Variants in NT5DC1 observed in about 807,000 individuals in gnomAD.
NT5DC1 encodes 5'-nucleotidase domain containing 1, also known as 5'-nucleotidase domain-containing protein 1.
In NT5DC1, 42 loss-of-function variants were observed where a neutral mutation model predicts 59.4. The ratio of observed to expected loss-of-function variants is 0.71; its 90% CI spans 0.55 to 0.92. The LOEUF (loss-of-function observed/expected upper bound fraction) is 0.92. NT5DC1 is among the 40% of genes least tolerant of loss of function. NT5DC1 has a pLI of 0.00. For synonymous variants in NT5DC1, 172 were observed against 188.1 expected (o/e 0.91, Z 0.70); for missense variants, 501 against 537.1 (o/e 0.93, Z 0.66).
chr6:116,182,049 G>C (rs889584382), intron 6 of NT5DC1, among the ~76,000 whole-genome samples: 1 of 151,952 alleles, frequency 6.6e-6, no homozygotes, highest in Non-Finnish European at 1.5e-5. Context: ...CGTCCCCAAA[G>C]TCCAGTGTAT....
intron 6 of NT5DC1, among the ~76,000 whole-genome samples, chr6:116,140,886 G>T (rs900308973): frequency 6.6e-6 from 1 of 152,070 alleles, no homozygotes; most frequent in African/African-American, 2.4e-5. Context: ...ATCTGTGATG[G>T]ATATTTAGCT....
intron 1 of NT5DC1, among the ~76,000 whole-genome samples, chr6:116,104,442 T>C (rs534932): frequency 0.6 from 91,621 of 151,976 alleles, 27,981 homozygotes; most frequent in South Asian, 0.79. Flanking sequence ...AGTGCCTCAA[T>C]GAGAGGCAAA....
intron 6 of NT5DC1, among the ~76,000 whole-genome samples, chr6:116,216,971 C>T (rs571499013): frequency 6.6e-6 from 1 of 152,144 alleles, no homozygotes; most frequent in East Asian, 1.9e-4. Context: ...AACAACAGAC[C>T]TTATTTGGAG....
At chr6:116,212,557 A>C (rs1044946675) in intron 6 of NT5DC1, among the ~76,000 whole-genome samples, 11 of 152,158 alleles carry the variant, frequency 7.2e-5, no homozygotes, top group African/African-American at 2.7e-4. Flanking sequence ...GAAACTGAGG[A>C]TATCTGAACT....
chr6:116,106,112 A>C (rs1314427337), intron 1 of NT5DC1, 132 bp from the exon 2 acceptor site: 1 of 691,888 alleles, frequency 1.4e-6, no homozygotes, highest in Admixed American at 2.4e-5. Context: ...ATACTGCAGA[A>C]CTTCACAATT....
intron 6 of NT5DC1, among the ~76,000 whole-genome samples, chr6:116,184,789 C>A (rs1780960148): frequency 6.6e-6 from 1 of 151,890 alleles, no homozygotes; most frequent in South Asian, 2.1e-4. Context: ...TAGTTATTCT[C>A]ACTAATGGTC....
intron 4 of NT5DC1, among the ~76,000 whole-genome samples, chr6:116,114,039 A>G (rs1320596299): frequency 6.6e-6 from 1 of 152,226 alleles, no homozygotes; most frequent in Non-Finnish European, 1.5e-5. Flanking sequence ...CACATGGCAT[A>G]TCATCTTCCT....
chr6:116,140,582 AT>A (rs1441017507), intron 6 of NT5DC1, among the ~76,000 whole-genome samples: 1 of 152,146 alleles, frequency 6.6e-6, no homozygotes, highest in Non-Finnish European at 1.5e-5. Context: ...CCCCTATGCC[AT>A]CTCCCTGATG....
chr6:116,237,661 TCCTCAGACTCCATTG>T (rs1438107780), intron 9 of NT5DC1: 2 of 349,284 alleles, frequency 5.7e-6, no homozygotes, highest in Admixed American at 3.7e-5. Flanking sequence ...ATCAATGGAG[TCCTCAGACTCCATTG>T]CCTCAGACTA....
intron 8 of NT5DC1, among the ~76,000 whole-genome samples, chr6:116,228,557 G>A (rs1220430592): frequency 6.6e-6 from 1 of 152,080 alleles, no homozygotes; most frequent in African/African-American, 2.4e-5. Context: ...CATCCAGGAG[G>A]GCTAGATGTC....
chr6:116,214,617 A>G (rs1781654729), intron 6 of NT5DC1, among the ~76,000 whole-genome samples: 1 of 152,110 alleles, frequency 6.6e-6, no homozygotes, highest in Non-Finnish European at 1.5e-5. Flanking sequence ...CAGAAACTCT[A>G]GGAGTATTTT....
At chr6:116,229,057 TG>T (rs1294265556) in intron 8 of NT5DC1, among the ~76,000 whole-genome samples, 1 of 152,218 alleles carries the variant, frequency 6.6e-6, no homozygotes, top group Non-Finnish European at 1.5e-5. Context: ...GCAGGAAAGT[TG>T]ATGTGCTTGC....
chr6:116,120,112 G>T, intron 6 of NT5DC1: 5 of 1,614,082 alleles, frequency 3.1e-6, no homozygotes, highest in Non-Finnish European at 4.2e-6. Flanking sequence ...AAGAGGAGTG[G>T]ACATACTCAG....
At chr6:116,163,141 A>AAAAAAAATATATAT (rs761718922) in intron 6 of NT5DC1, among the ~76,000 whole-genome samples, 4 of 88,386 alleles carry the variant, frequency 4.5e-5, no homozygotes, top group African/African-American at 2.3e-4. Flanking sequence ...AAAAAAAAAA[A>AAAAAAAATATATAT]ATATATATAT....
intron 6 of NT5DC1, among the ~76,000 whole-genome samples, chr6:116,123,447 A>G (rs771980384): frequency 2.0e-5 from 3 of 152,348 alleles, no homozygotes; most frequent in Middle Eastern, 6.8e-3. Context: ...ACTTCCTTCT[A>G]TTAAGTTTTT....
chr6:116,223,001 A>T (rs751411140), intron 7 of NT5DC1, 33 bp from the exon 8 acceptor site: 5 of 1,173,762 alleles, frequency 4.3e-6, no homozygotes, highest in Non-Finnish European at 6.3e-6. Flanking sequence ...CTAATTCTTA[A>T]AATAAACTTA....
At position 116,100,945 on chromosome 6, in the gene NT5DC1, C is replaced by T. The variant is rs1232309189; in HGVS notation, c.15C>T (p.Phe5=). ...CCCGCGCAGCCATGGCTCAGCACTTCTCCCTGGCCGCCTGCGACGTGGTCG... is the reference window on the plus strand; with the variant it reads ...CCCGCGCAGCCATGGCTCAGCACTTTTCCCTGGCCGCCTGCGACGTGGTCG... MAQH[F]SLAACDVVGF... Residue 5 remains phenylalanine, a synonymous_variant, in exon 1 of 12, where the codon TTC becomes TTT. Coordinates refer to ENST00000319550, the MANE Select transcript of NT5DC1 (RefSeq NM_152729.3). The T allele has an allele frequency of 4.4e-6, 7 of 1,603,940 alleles. No homozygotes were observed. Among genetic ancestry groups the T allele is most frequent in the Non-Finnish European group, 5.9e-6 (7 of 1,176,488 alleles).
intron 6 of NT5DC1, chr6:116,119,918 C>A: frequency 1.4e-6 from 1 of 726,532 alleles, no homozygotes. Context: ...GCTCACTTTT[C>A]AGGGGGAAGG....
intron 4 of NT5DC1, 59 bp downstream of exon 4, chr6:116,111,015 C>A: frequency 8.4e-7 from 1 of 1,184,270 alleles, no homozygotes; most frequent in Non-Finnish European, 1.3e-6. Flanking sequence ...TACCCTAAAC[C>A]TTTGATGTCA....
Sources: gnomAD v4.1 joint callset for allele counts (sites outside exome capture counted in the v4.1 genomes callset) on GRCh38, gnomAD v4.1.1 for gene constraint, MANE v1.5 for transcripts, NCBI Gene and HGNC (gene_info 2026-07-23, HGNC 2026-07-21) for gene names.